The following ZNF500 variants were observed in gnomAD, a reference collection of about 807,000 sequenced individuals.
ZNF500 encodes zinc finger protein with KRAB and SCAN domains 18.
Under a neutral mutation model 30.1 loss-of-function variants are expected in ZNF500, and 31 were observed. That is an observed-to-expected ratio of 1.03 (90% confidence interval 0.77 to 1.39). ZNF500 has a LOEUF of 1.39. ZNF500 is among the 40% of genes most tolerant of loss of function. The pLI, the probability that ZNF500 is intolerant of heterozygous loss-of-function variation, is 0.00. For missense variants in ZNF500, 817 were observed against 657.8 expected, an observed-to-expected ratio of 1.24 and a Z score of -2.65; for synonymous variants, 392 against 282.0, an observed-to-expected ratio of 1.39 and a Z score of -3.91.
In ZNF500 at chr16:4,752,868, A is replaced by G. The variant is rs2082098918; in HGVS notation, c.951T>C (p.Ala317=). The G allele has an allele frequency of 6.2e-7, 1 of 1,614,072 alleles. No homozygotes were observed. Residue 317 remains alanine, a synonymous_variant, in exon 6 of 6, where the codon GCT becomes GCC. Transcript: ENST00000219478. Reference sequence around the variant, plus strand: ...TGTACGGCTTGTCAGCCCCATGGGAAGCCCGTCTTCCTGGTGGGGGGCCGC... The same window carrying G: ...TGTACGGCTTGTCAGCCCCATGGGAGGCCCGTCTTCCTGGTGGGGGGCCGC... The part of the protein sequence containing the change: ...PRGGPPPGRR[A]SHGADKPYTC...
In ZNF500 at chr16:4,765,864, C is replaced by T. The variant is rs149303784; in HGVS notation, c.115G>A (p.Val39Met). 49 of 1,613,682 alleles carry T rather than the reference C, an allele frequency of 3.0e-5. No homozygotes were observed. The African/African-American group carries it at 5.1e-4, about 17-fold the overall frequency. Residue 39 changes from valine (V) to methionine (M), a missense_variant, in exon 2 of 6, where the codon GTG becomes ATG. Physicochemically the swap from Val to Met is conservative, Grantham distance 21. Transcript: ENST00000219478. ...EDFCLEEEPS[V>M]ETEDPSPETF... is the part of the protein sequence containing the mutation. ...TCAGGGCTGGGGTCCTCCGTCTCCA[C>T]GGAGGGCTCCTCTTCCAAGCAGAAG...
chr16:4,744,814 T>C, downstream of ZNF500: 2 of 1,564,914 alleles, frequency 1.3e-6, no homozygotes, highest in South Asian at 2.2e-5. Context: ...CCAGCTGCTG[T>C]AAGTCACAAG....
chr16:4,763,273 C>T (rs1360487077), intron 2 of ZNF500: 1 of 318,080 alleles, frequency 3.1e-6, no homozygotes, highest in East Asian at 1.7e-4. Flanking sequence ...TGGCAGCACG[C>T]TTGTAATCCC....
intron 1 of ZNF500, 96 bp from the exon 2 acceptor site, chr16:4,766,172 A>T (rs1206857109): frequency 1.2e-5 from 6 of 514,962 alleles, no homozygotes; most frequent in Non-Finnish European, 1.6e-5. Context: ...AGGCCAGCTC[A>T]CCCCACCATG....
intron 5 of ZNF500, among the ~76,000 whole-genome samples, chr16:4,758,990 A>G (rs1477141888): frequency 6.6e-6 from 1 of 152,156 alleles, no homozygotes; most frequent in African/African-American, 2.4e-5. Context: ...CAGGCAGATC[A>G]CTTGAGATCA....
intron 1 of ZNF500, 113 bp from the exon 2 acceptor site, chr16:4,766,189 G>A (rs777140064): frequency 2.0e-6 from 1 of 489,604 alleles, no homozygotes; most frequent in Non-Finnish European, 3.5e-6. Flanking sequence ...CATGGAAAAG[G>A]AAAAGGAAGT....
At chr16:4,764,986 G>C (rs2082248134) in intron 2 of ZNF500, among the ~76,000 whole-genome samples, 1 of 151,772 alleles carries the variant, frequency 6.6e-6, no homozygotes, top group Admixed American at 6.6e-5. Flanking sequence ...CTTGGAAGGT[G>C]CCGGACCTCT....
rs2082086338 is a variant in ZNF500 at position 4,752,157 on chromosome 16, C to T, written c.*219G>A. 3.6e-6 allele frequency: 5 copies of T among 1,381,010 alleles called. No individual in the cohort carries two copies. The South Asian group carries it at 5.7e-5, about 16-fold the overall frequency. 85.5% of individuals were successfully genotyped at this position (1,381,010 alleles called of 1,614,324 possible). ...CCCTGCTCTGTGTCACCTGTTCTGG[C>T]TGCCACTGGACACTCAGAGCCTGTC... On this transcript the variant is annotated 3_prime_UTR_variant, in exon 6 of 6. Transcript: ENST00000219478.
chr16:4,764,586 C>G (rs1461523751), intron 2 of ZNF500, among the ~76,000 whole-genome samples: 3 of 151,572 alleles, frequency 2.0e-5, no homozygotes, highest in Non-Finnish European at 2.9e-5. Context: ...TCCAGACCAC[C>G]CTGGCTAACA....
At chr16:4,758,952 G>C (rs768584619) in intron 5 of ZNF500, among the ~76,000 whole-genome samples, 2 of 152,220 alleles carry the variant, frequency 1.3e-5, no homozygotes, top group East Asian at 3.8e-4. Context: ...GCTCACGCCT[G>C]TAATCCCAGC....
At chr16:4,761,589 T>C (rs573527326) in intron 4 of ZNF500, among the ~76,000 whole-genome samples, 1 of 151,070 alleles carries the variant, frequency 6.6e-6, no homozygotes, top group Non-Finnish European at 1.5e-5. Flanking sequence ...CTTATGCCTG[T>C]AATCCCAGTG....
chr16:4,761,379 G>A (rs913206051), intron 4 of ZNF500, among the ~76,000 whole-genome samples: 10 of 151,616 alleles, frequency 6.6e-5, no homozygotes, highest in African/African-American at 2.4e-4. Context: ...GCCGGAGGTT[G>A]CAGTGAGCCG....
At chr16:4,753,135 G>T (rs754314340) in intron 5 of ZNF500, 77 bp from the exon 6 acceptor site, 16 of 1,480,780 alleles carry the variant, frequency 1.1e-5, no homozygotes, top group Non-Finnish European at 1.2e-5. Context: ...GAAAATGAAG[G>T]CCTCACAGGG....
chr16:4,765,295 C>CAA (rs1051337883), intron 2 of ZNF500, among the ~76,000 whole-genome samples: 1 of 143,042 alleles, frequency 7.0e-6, no homozygotes, highest in Non-Finnish European at 1.5e-5. Context: ...GACTATGTCT[C>CAA]AAAAAAAAAA....
In ZNF500 at chr16:4,762,284, G is replaced by A. The variant is rs929383374; in HGVS notation, c.650C>T (p.Ser217Leu). 1.4e-5 allele frequency: 22 copies of A among 1,611,110 alleles called. No homozygotes were observed. The highest frequency in any genetic ancestry group is 4.0e-5 in the African/African-American group (3 of 74,860). The change falls in exon 4 of 6, where the codon TCG becomes TTG. Residue 217 changes from serine to leucine, a missense_variant. By Grantham distance (145) the Ser-to-Leu change is moderately radical. Transcript: ENST00000219478. Reference sequence around the variant, plus strand: ...CATCCCACTCACCTGGGACCAGGCCGAAAGGAAGGGCGAGGCTGACGCCAT... The same window carrying A: ...CATCCCACTCACCTGGGACCAGGCCAAAAGGAAGGGCGAGGCTGACGCCAT... Reference protein sequence around the residue: ...QEMASASPFLSAWSQVPVNLE... With the variant: ...QEMASASPFLLAWSQVPVNLE...
rs1248570178 is a variant in ZNF500 at position 4,751,918 on chromosome 16, G to T, written c.*458C>A. ...GCAAGGCCCCGTCTCAAAAAAAAAA[G>T]GGGGGGGGAGCAGGTGGGGGGTACA... On this transcript the variant is annotated 3_prime_UTR_variant, in exon 6 of 6. Transcript: ENST00000219478. 7.2e-6 allele frequency: 2 copies of T among 276,586 alleles called. No homozygotes were observed. Among genetic ancestry groups the T allele is most frequent in the Non-Finnish European group, 1.2e-5 (2 of 166,294 alleles). 17.1% of individuals were successfully genotyped at this position (276,586 alleles called of 1,614,324 possible).
At chr16:4,754,344 A>G (rs2082114741) in intron 5 of ZNF500, among the ~76,000 whole-genome samples, 1 of 152,030 alleles carries the variant, frequency 6.6e-6, no homozygotes, top group African/African-American at 2.4e-5. Context: ...GCACGTACTG[A>G]GCCTCAAATT....
At chr16:4,763,727 C>A in intron 2 of ZNF500, 2 of 925,886 alleles carry the variant, frequency 2.2e-6, no homozygotes, top group South Asian at 1.1e-4. Context: ...ATGCCGGGAA[C>A]CCCAAACACT....
downstream of ZNF500, chr16:4,744,849 C>T (rs1455389000): frequency 6.2e-7 from 1 of 1,606,412 alleles, no homozygotes; most frequent in Non-Finnish European, 8.5e-7. Context: ...ACTAATCAGC[C>T]TCTCCTTTGG....
Sources: allele counts gnomAD v4.1 joint callset (sites outside exome capture counted in the v4.1 genomes callset), GRCh38; gene constraint gnomAD v4.1.1; transcripts MANE v1.5; gene names NCBI Gene and HGNC (gene_info 2026-07-23, HGNC 2026-07-21).